Variants in CYP2C18 observed in about 807,000 individuals in gnomAD.
CYP2C18 encodes cytochrome P450 family 2 subfamily C member 18, also known as cytochrome P450 2C18.
In CYP2C18, 38 loss-of-function variants were observed where a neutral mutation model predicts 41.3. That is an observed-to-expected ratio of 0.92 (90% CI 0.71 to 1.21). The LOEUF (loss-of-function observed/expected upper bound fraction) is 1.21. CYP2C18 is among the 50% of genes most tolerant of loss of function. The pLI is 0.00. For missense variants in CYP2C18, 635 were observed against 591.4 expected, an observed-to-expected ratio of 1.07 and a Z score of -0.77; for synonymous variants, 236 against 210.0, an observed-to-expected ratio of 1.12 and a Z score of -1.07.
intron 3 of CYP2C18, among the ~76,000 whole-genome samples, chr10:94,694,409 C>T (rs935669444): frequency 6.6e-6 from 1 of 152,110 alleles, no homozygotes; most frequent in African/African-American, 2.4e-5. Context: ...GTTCCATCAA[C>T]CTGAATTTTC....
chr10:94,686,533 T>C (rs534899867), intron 1 of CYP2C18, among the ~76,000 whole-genome samples: 9 of 152,192 alleles, frequency 5.9e-5, no homozygotes, highest in Admixed American at 1.3e-4. Flanking sequence ...CCATTAAATA[T>C]GATGTTAGCT....
At chr10:94,729,001 A>T (rs1847788230) in intron 7 of CYP2C18, among the ~76,000 whole-genome samples, 1 of 152,166 alleles carries the variant, frequency 6.6e-6, no homozygotes, top group Admixed American at 6.5e-5. Context: ...ACTGAAGGTG[A>T]CATCAAGAGT....
intron 4 of CYP2C18, among the ~76,000 whole-genome samples, chr10:94,701,768 A>G (rs1042143730): frequency 6.6e-6 from 1 of 152,184 alleles, no homozygotes; most frequent in Non-Finnish European, 1.5e-5. Flanking sequence ...GGAAAAGCAC[A>G]CTAAGCTGGG....
At chr10:94,709,291 C>CT (rs2134192774) in intron 5 of CYP2C18, among the ~76,000 whole-genome samples, 1 of 152,212 alleles carries the variant, frequency 6.6e-6, no homozygotes, top group East Asian at 1.9e-4. Flanking sequence ...TGTTTCTTAT[C>CT]TTTTTGATTC....
At chr10:94,703,485 C>T (rs1197700371) in intron 4 of CYP2C18, among the ~76,000 whole-genome samples, 14 of 152,258 alleles carry the variant, frequency 9.2e-5, no homozygotes, top group South Asian at 8.3e-4. Context: ...TGTGGTGCTG[C>T]GGTGGGCACT....
chr10:94,728,669 A>C, intron 7 of CYP2C18: 5 of 875,496 alleles, frequency 5.7e-6, no homozygotes, highest in African/African-American at 1.8e-5. Flanking sequence ...ATATCATCTC[A>C]GAAGTCATTT....
intron 8 of CYP2C18, among the ~76,000 whole-genome samples, chr10:94,734,407 G>A (rs1007023912): frequency 3.9e-5 from 6 of 152,080 alleles, no homozygotes; most frequent in South Asian, 2.1e-4. Context: ...AGGATTTCAC[G>A]TTTTAGCAAG....
chr10:94,687,108 T>C (rs1483002748), intron 1 of CYP2C18, among the ~76,000 whole-genome samples: 2 of 152,210 alleles, frequency 1.3e-5, no homozygotes, highest in Non-Finnish European at 2.9e-5. Flanking sequence ...CTGCTGTCTG[T>C]GACCTATGAG....
intron 7 of CYP2C18, among the ~76,000 whole-genome samples, chr10:94,726,418 C>T (rs1401374741): frequency 6.6e-6 from 1 of 152,072 alleles, no homozygotes; most frequent in African/African-American, 2.4e-5. Context: ...TCAACTCCCA[C>T]TTATAAGTGA....
intron 5 of CYP2C18, among the ~76,000 whole-genome samples, chr10:94,717,793 T>C (rs1847578548): frequency 6.6e-6 from 1 of 152,154 alleles, no homozygotes; most frequent in Non-Finnish European, 1.5e-5. Context: ...AGCTCTCTGT[T>C]ATATTCTGTT....
At chr10:94,697,234 G>T (rs1364777386) in intron 4 of CYP2C18, among the ~76,000 whole-genome samples, 1 of 152,194 alleles carries the variant, frequency 6.6e-6, no homozygotes, top group African/African-American at 2.4e-5. Context: ...CAGAGAGAAA[G>T]CTTGGGTTAC....
intron 6 of CYP2C18, among the ~76,000 whole-genome samples, chr10:94,722,183 G>A (rs562037587): frequency 6.6e-6 from 1 of 152,054 alleles, no homozygotes; most frequent in Non-Finnish European, 1.5e-5. Flanking sequence ...TATAATAAAG[G>A]TGTATGATAT....
rs35672164 is a variant in CYP2C18, at chr10:94,712,008, A to ATTTTTTTTTTTTT, written c.819+5056_819+5068dup. On this transcript the variant is annotated intron_variant, in intron 5 of 8. Coordinates refer to ENST00000285979, the MANE Select transcript of CYP2C18 (RefSeq NM_000772.3). ...AGGTGCATGCCACCATGCCCAACTA[A>ATTTTTTTTTTTTT]TTTTTTTTTTTTTTTTTTTTGTAGA... Among the ~76,000 whole-genome samples the ATTTTTTTTTTTTT allele has an allele frequency of 3.5e-3, 344 of 97,832 alleles. 18 individuals carry two copies. The highest frequency in any genetic ancestry group is 8.9e-3 in the African/African-American group (207 of 23,344). The allele number at this position is 97,832 out of a possible 152,430, so 64.2% of individuals were successfully genotyped here. A position where few individuals can be genotyped will look rare whatever the true frequency, so the allele number is the denominator to read the frequency against.
intron 5 of CYP2C18, among the ~76,000 whole-genome samples, chr10:94,715,812 T>C (rs911300855): frequency 9.6e-5 from 14 of 146,372 alleles, no homozygotes; most frequent in African/African-American, 3.3e-4. Context: ...CATCTGGTCC[T>C]GGACTTTTTT....
intron 6 of CYP2C18, 80 bp from the exon 7 acceptor site, chr10:94,724,266 A>G: frequency 7.0e-7 from 1 of 1,424,216 alleles, no homozygotes; most frequent in Non-Finnish European, 9.9e-7. Flanking sequence ...CCCCTTCCTT[A>G]TGCTTCTTGT....
At position 94,697,409 on chromosome 10, in the gene CYP2C18, C is replaced by A. The variant is rs887830353; in HGVS notation, c.642+2332C>A. On this transcript the variant is annotated intron_variant, in intron 4 of 8. Transcript: ENST00000285979. ...TTCATAAGTGAAGGAGAAATAAAAT[C>A]ATTTATAGACAAGCAAATGCTGAGA... is the stretch of plus-strand genomic sequence containing the variant. 2.6e-5 allele frequency among the ~76,000 whole-genome samples: 4 copies of A among 152,232 alleles called. No homozygotes were observed. The East Asian group carries it at 7.7e-4, about 29-fold the overall frequency.
intron 5 of CYP2C18, among the ~76,000 whole-genome samples, chr10:94,719,309 T>A (rs944806832): frequency 1.3e-5 from 2 of 152,188 alleles, no homozygotes; most frequent in African/African-American, 4.8e-5. Flanking sequence ...GGGTGTCATG[T>A]TGGGCAGTGC....
intron 5 of CYP2C18, 145 bp from the exon 6 acceptor site, chr10:94,720,251 C>A: frequency 1.6e-6 from 1 of 621,518 alleles, no homozygotes; most frequent in Non-Finnish European, 2.7e-6. Context: ...TCTGCCACAC[C>A]GTGCAATTGT....
At chr10:94,684,114 T>C in intron 1 of CYP2C18, 127 bp downstream of exon 1, 1 of 611,508 alleles carries the variant, frequency 1.6e-6, no homozygotes, top group Admixed American at 3.6e-5. Context: ...ATATTACATT[T>C]TGATACATGT....
Sources: gnomAD v4.1 joint callset for allele counts (sites outside exome capture counted in the v4.1 genomes callset) on GRCh38, gnomAD v4.1.1 for gene constraint, MANE v1.5 for transcripts, NCBI Gene and HGNC (gene_info 2026-07-23, HGNC 2026-07-21) for gene names.